The following TECTA variants were observed in gnomAD, a reference collection of about 807,000 sequenced individuals.
TECTA encodes the protein alpha-tectorin.
A neutral mutation model predicts 216.8 loss-of-function variants in TECTA; 128 were observed. That is an observed-to-expected ratio of 0.59 (90% CI 0.51 to 0.68). The LOEUF is 0.68. Ranked by LOEUF, TECTA falls within the 30% of genes least tolerant of loss-of-function variation. The pLI, the probability that TECTA is intolerant of heterozygous loss-of-function variation, is 0.00. For missense variants in TECTA, 2,551 were observed against 2,786.2 expected (o/e 0.92, Z 1.90); for synonymous variants, 1,089 against 1,117.1 (o/e 0.97, Z 0.50).
Position 121,127,719 on chromosome 11 carries a change from T to C in TECTA, c.1775-33T>C, listed in dbSNP as rs1201324399. 1 of 1,612,806 alleles carries C rather than the reference T, an allele frequency of 6.2e-7. No individual in the cohort carries two copies. Among genetic ancestry groups the C allele is most frequent in the African/African-American group, 1.3e-5 (1 of 75,048 alleles). ...GGTTAGCACTCCGGGTCCATTCACC[T>C]TGTTATCGGCTCTCTTCCTTTCCCC... On this transcript the variant is annotated intron_variant, in intron 8 of 23. Coordinates refer to ENST00000392793, the MANE Select transcript of TECTA (RefSeq NM_005422.4). This position sits in a 1 kb window ranked among gnomAD's most constrained non-coding sequence, Gnocchi z 5.0.
rs1198426077 is a variant in TECTA, at chr11:121,127,179, T to A, written c.1775-573T>A. The stretch of plus-strand genomic sequence containing the variant: ...TGGAGAAACAGCCACACAAATTCTT[T>A]GAATTCTTTGGAGGTAGCCAGGGCG... On this transcript the variant is annotated intron_variant, in intron 8 of 23. Transcript: ENST00000392793. The surrounding 1 kb of genome is among the most constrained non-coding windows in gnomAD (Gnocchi z 5.0). Among the ~76,000 whole-genome samples the A allele has an allele frequency of 6.6e-6, 1 of 152,252 alleles. No homozygotes were observed. Among genetic ancestry groups the A allele is most frequent in the African/African-American group, 2.4e-5 (1 of 41,464 alleles).
rs780878393 is a variant in TECTA, at chr11:121,137,988, T to A, written c.3509T>A (p.Ile1170Asn). The A allele has an allele frequency of 6.2e-7, 1 of 1,613,626 alleles. No individual in the cohort carries two copies. Among genetic ancestry groups the A allele is most frequent in the Admixed American group, 1.7e-5 (1 of 60,012 alleles). Residue 1170 changes from isoleucine (I) to asparagine (N), a missense_variant, in exon 11 of 24, where the codon ATC becomes AAC. Coordinates refer to ENST00000392793, the MANE Select transcript of TECTA (RefSeq NM_005422.4). ...QVDVTVFGYS[I>N]VIHRAYKHTV... ...GACGTGACCGTGTTTGGCTACAGCA[T>A]CGTGATCCACCGAGCTTACAAGCAC...
intron 11 of TECTA, among the ~76,000 whole-genome samples, chr11:121,142,753 G>C (rs958091183): frequency 6.6e-6 from 1 of 152,146 alleles, no homozygotes; most frequent in African/African-American, 2.4e-5. Flanking sequence ...TTAAATGACT[G>C]TCACTGCACC....
At chr11:121,140,814 G>A (rs573464302) in intron 11 of TECTA, 6 of 152,278 alleles carry the variant, frequency 3.9e-5, no homozygotes, top group Non-Finnish European at 7.3e-5. Flanking sequence ...CTCCTTTTAA[G>A]TACACCGTTC....
Position 121,160,302 on chromosome 11 carries a change from C to T in TECTA, c.4857C>T (p.Cys1619=), listed in dbSNP as rs764153521. The part of the protein sequence containing the change: ...SISERLQNKV[C]GLCGNFNGDL... ...GCGAGAGGCTGCAGAACAAAGTGTGCGGTCTCTGTGGCAACTTCAACGGGG... is the reference window on the plus strand; with the variant it reads ...GCGAGAGGCTGCAGAACAAAGTGTGTGGTCTCTGTGGCAACTTCAACGGGG... The change falls in exon 15 of 24, where the codon TGC becomes TGT. Residue 1619 remains cysteine, a synonymous_variant. Coordinates refer to ENST00000392793, the MANE Select transcript of TECTA (RefSeq NM_005422.4). 19 of 1,614,028 alleles carry T rather than the reference C, an allele frequency of 1.2e-5. No homozygotes were observed. Among genetic ancestry groups the T allele is most frequent in the African/African-American group, 2.7e-5 (2 of 74,920 alleles).
intron 16 of TECTA, among the ~76,000 whole-genome samples, 198 bp downstream of exon 16, chr11:121,162,568 C>A (rs663031): frequency 2.6e-5 from 4 of 151,990 alleles, no homozygotes; most frequent in African/African-American, 9.7e-5. Flanking sequence ...AACCCACCTA[C>A]GGCTCCTGTC....
intron 11 of TECTA, among the ~76,000 whole-genome samples, chr11:121,141,255 C>T (rs1352557594): frequency 6.6e-6 from 1 of 152,196 alleles, no homozygotes; most frequent in East Asian, 1.9e-4. Flanking sequence ...CCATCTCTCC[C>T]TGAGCCTGAA....
chr11:121,125,207 G>T lies in TECTA; in HGVS notation c.1204-95G>T, dbSNP rs1280615264. On this transcript the variant is annotated intron_variant, in intron 7 of 23. Coordinates refer to ENST00000392793, the MANE Select transcript of TECTA (RefSeq NM_005422.4). ...CGTTTAGGTGGCCATTCTCTCTGGA[G>T]TGTTGAGTTGCTTTGCCTTCCTTTC... The T allele has an allele frequency of 2.4e-6, 3 of 1,268,874 alleles. No individual in the cohort carries two copies. In the Admixed American group the frequency reaches 5.1e-5, roughly 22 times the overall value. The allele number at this position is 1,268,874 out of a possible 1,614,324, so 78.6% of individuals were successfully genotyped here. A position where few individuals can be genotyped will look rare whatever the true frequency, so the allele number is the denominator to read the frequency against.
At position 121,187,999 on chromosome 11, in the gene TECTA, G is replaced by A. The variant is rs1565541888; in HGVS notation, c.6162+5G>A. 2 of 1,614,138 alleles carry A rather than the reference G, an allele frequency of 1.2e-6. No homozygotes were observed. The highest frequency in any genetic ancestry group is 1.1e-5 in the South Asian group (1 of 91,084). ...GAAAAGTACTCCTGTAAAATCGTAA[G>A]TGAGAGTGTGAAAACAAAGTGCTTA... On this transcript the variant is annotated splice_donor_5th_base_variant and intron_variant, in intron 21 of 23. Transcript: ENST00000392793.
rs650379 is a variant in TECTA at position 121,137,248 on chromosome 11, G to A, written c.2942-173G>A. Among the ~76,000 whole-genome samples the A allele has an allele frequency of 0.27, 40,563 of 151,336 alleles. 5,814 individuals are homozygous for A. The highest frequency in any genetic ancestry group is 0.38 in the African/African-American group (15,732 of 41,296). The stretch of plus-strand genomic sequence containing the variant: ...TGCACACACATGCACTCGCACACAC[G>A]CACGTGCACACACACATGCATGCAC... On this transcript the variant is annotated intron_variant, in intron 10 of 23. Transcript: ENST00000392793.
intron 12 of TECTA, among the ~76,000 whole-genome samples, chr11:121,149,234 C>G (rs1946867468): frequency 6.6e-6 from 1 of 152,232 alleles, no homozygotes; most frequent in African/African-American, 2.4e-5. Context: ...CTGTGCAATG[C>G]TGCCTCTCTG....
intron 10 of TECTA, among the ~76,000 whole-genome samples, chr11:121,135,415 T>A (rs557339551): frequency 6.6e-6 from 1 of 152,368 alleles, no homozygotes; most frequent in South Asian, 2.1e-4. Context: ...GCCATTTAAA[T>A]AAGTCATGTT....
At chr11:121,115,146 C>T (rs1591438728) in intron 6 of TECTA, among the ~76,000 whole-genome samples, 1 of 148,550 alleles carries the variant, frequency 6.7e-6, no homozygotes, top group Non-Finnish European at 1.5e-5. Context: ...TCCATTTATC[C>T]ATCCACCCAT....
In TECTA at chr11:121,191,101, A is replaced by C. The variant is rs1339279143; in HGVS notation, c.*295A>C. ...CATGAAAAACCAGTAAAGGAAAAAA[A>C]TTCTGGTTAGAGAAATCTGACTGGA... On this transcript the variant is annotated 3_prime_UTR_variant, in exon 24 of 24. Coordinates refer to ENST00000392793, the MANE Select transcript of TECTA (RefSeq NM_005422.4). The C allele has an allele frequency of 2.9e-6, 1 of 344,980 alleles. No homozygotes were observed. Among genetic ancestry groups the C allele is most frequent in the African/African-American group, 2.1e-5 (1 of 47,112 alleles). The allele number at this position is 344,980 out of a possible 1,614,324, so 21.4% of individuals were successfully genotyped here.
In TECTA at chr11:121,130,075, T is replaced by C. The variant is rs586473; in HGVS notation, c.2805T>C (p.Tyr935=). Residue 935 remains tyrosine (Y), a synonymous_variant, in exon 10 of 24, where the codon TAT becomes TAC. Coordinates refer to ENST00000392793, the MANE Select transcript of TECTA (RefSeq NM_005422.4). ...ECHGVVNVTA[Y]YRTCLFRLCQ... Reference sequence around the variant, plus strand: ...ATGGGGTGGTGAACGTCACTGCCTATTACCGCACCTGCCTTTTCCGCCTGT... The same window carrying C: ...ATGGGGTGGTGAACGTCACTGCCTACTACCGCACCTGCCTTTTCCGCCTGT... 1,132,402 of 1,613,820 alleles carry C rather than the reference T, an allele frequency of 0.7. 399,356 individuals are homozygous for C. Among genetic ancestry groups the C allele is most frequent in the African/African-American group, 0.87 (65,175 of 75,004 alleles).
intron 20 of TECTA, among the ~76,000 whole-genome samples, chr11:121,171,135 C>A (rs1406894544): frequency 6.6e-6 from 1 of 152,062 alleles, no homozygotes; most frequent in South Asian, 2.1e-4. Flanking sequence ...TAATTTAATT[C>A]TTCTGCATAT....
chr11:121,168,787 C>T lies in TECTA; in HGVS notation c.5861C>T (p.Thr1954Met), dbSNP rs542600464. ...TACCGCCAGGGTGAAGTAGTGTTGA[C>T]GACTCGAGATGTGCTGTATGTAGGG... The part of the protein sequence containing the change: ...HPYRQGEVVL[T>M]TRDVLYVGVF... The change falls in exon 20 of 24, where the codon ACG (threonine) becomes ATG (methionine). Residue 1954 changes from threonine (T) to methionine (M), a missense_variant. Thr to Met is a moderately conservative substitution (Grantham distance 81, BLOSUM62 -1). Coordinates refer to ENST00000392793, the MANE Select transcript of TECTA (RefSeq NM_005422.4). 5.5e-5 allele frequency: 88 copies of T among 1,614,142 alleles called. 1 individual carries two copies. Among genetic ancestry groups the T allele is most frequent in the South Asian group, 8.8e-5 (8 of 91,078 alleles).
chr11:121,184,859 TG>T (rs1353910011), intron 20 of TECTA, among the ~76,000 whole-genome samples: 5 of 152,232 alleles, frequency 3.3e-5, no homozygotes, highest in Admixed American at 1.3e-4. Context: ...AGGGACGTGG[TG>T]ACTACTTGGT....
intron 14 of TECTA, among the ~76,000 whole-genome samples, chr11:121,159,414 C>T (rs933183965): frequency 2.6e-5 from 4 of 152,120 alleles, no homozygotes; most frequent in Non-Finnish European, 5.9e-5. Flanking sequence ...AGTAGAGACT[C>T]ATTTTTGAAA....
Sources: gnomAD v4.1 joint callset for allele counts (sites outside exome capture counted in the v4.1 genomes callset) on GRCh38, gnomAD v4.1.1 for gene constraint, Gnocchi (gnomAD v3.1) non-coding constraint, MANE v1.5 for transcripts, NCBI Gene and HGNC (gene_info 2026-07-23, HGNC 2026-07-21) for gene names.